EPS8: variants seen among roughly 807,000 people sequenced by gnomAD.
The protein encoded by EPS8 is epidermal growth factor receptor kinase substrate 8.
EPS8 carries 42 observed loss-of-function variants against 103.8 expected under a neutral mutation model. The ratio of observed to expected loss-of-function variants is 0.40; its 90% CI spans 0.32 to 0.52. The LOEUF (loss-of-function observed/expected upper bound fraction) is 0.52. Ranked by LOEUF, EPS8 falls within the 20% of genes least tolerant of loss-of-function variation. The pLI, the probability that EPS8 is intolerant of heterozygous loss-of-function variation, is 0.40. For missense variants in EPS8, 969 were observed against 1,005.1 expected (o/e 0.96, Z 0.49); for synonymous variants, 344 against 344.6 (o/e 1.00, Z 0.02).
At position 15,749,391 on chromosome 12, in the gene EPS8, G is replaced by C. The variant is rs1207609415; in HGVS notation, c.-22+39770C>G. 1.3e-5 allele frequency among the ~76,000 whole-genome samples: 2 copies of C among 152,108 alleles called. No homozygotes were observed. The highest frequency in any genetic ancestry group is 2.9e-5 in the Non-Finnish European group (2 of 68,026). ...GTATACTCAAGAGCAGGAATGTCTT[G>C]TTCAACATTATTTCTCAAATGCTAA... On this transcript the variant is annotated intron_variant, in intron 1 of 20. Transcript: ENST00000281172. This position sits in a 1 kb window ranked among gnomAD's most constrained non-coding sequence, Gnocchi z 4.0.
chr12:15,725,572 C>T lies in EPS8; in HGVS notation c.-21-42600G>A, dbSNP rs73315101. On this transcript the variant is annotated intron_variant, in intron 1 of 20. Transcript: ENST00000281172. The surrounding 1 kb of genome is among the most constrained non-coding windows in gnomAD (Gnocchi z 4.5). ...TGCCTAATTCTCATACCTTTGTTACCTTATGAAAAATTCTAAAATACGGTG... is the reference window on the plus strand; with the variant it reads ...TGCCTAATTCTCATACCTTTGTTACTTTATGAAAAATTCTAAAATACGGTG... Among the ~76,000 whole-genome samples the T allele has an allele frequency of 1.9e-3, 284 of 151,954 alleles. No homozygotes were observed. The highest frequency in any genetic ancestry group is 6.7e-3 in the African/African-American group (278 of 41,450).
chr12:15,672,103 A>AT (rs1386669872), intron 3 of EPS8, among the ~76,000 whole-genome samples: 3 of 152,038 alleles, frequency 2.0e-5, no homozygotes, highest in African/African-American at 7.2e-5. Flanking sequence ...CCAACAACCT[A>AT]TTTTTTTGTA....
At chr12:15,686,382 G>A (rs878892282) in intron 1 of EPS8, among the ~76,000 whole-genome samples, 19 of 152,016 alleles carry the variant, frequency 1.2e-4, no homozygotes, top group African/African-American at 4.1e-4. Context: ...ACTGAGTGGG[G>A]GTCAGCACCC....
rs534233954 is a variant in EPS8 at position 15,640,165 on chromosome 12, T to C, written c.1821+538A>G. ...AGCCTGACCTATCTAATCTATATCC[T>C]AAGTACCTTTTAATCTTAAAATCAA... On this transcript the variant is annotated intron_variant, in intron 17 of 20. Coordinates refer to ENST00000281172, the MANE Select transcript of EPS8 (RefSeq NM_004447.6). 1.3e-5 allele frequency among the ~76,000 whole-genome samples: 2 copies of C among 152,364 alleles called. 1 individual carries two copies. Among genetic ancestry groups the C allele is most frequent in the African/African-American group, 4.8e-5 (2 of 41,594 alleles).
Position 15,713,757 on chromosome 12 carries a change from A to G in EPS8, c.-21-30785T>C, listed in dbSNP as rs1046571215. On this transcript the variant is annotated intron_variant, in intron 1 of 20. Transcript: ENST00000281172. This position sits in a 1 kb window ranked among gnomAD's most constrained non-coding sequence, Gnocchi z 4.8. ...AAAGGTCTATCCTCATAGTTAAAAAATGGTGTCGGGGAGGAGAAATTCACT... is the reference window on the plus strand; with the variant it reads ...AAAGGTCTATCCTCATAGTTAAAAAGTGGTGTCGGGGAGGAGAAATTCACT... Among the ~76,000 whole-genome samples, 1 of 152,200 alleles carries G rather than the reference A, an allele frequency of 6.6e-6. No individual in the cohort carries two copies. The highest frequency in any genetic ancestry group is 2.1e-4 in the South Asian group (1 of 4,830).
In EPS8 at chr12:15,773,379, T is replaced by C. The variant is rs539709637; in HGVS notation, c.-22+15782A>G. Among the ~76,000 whole-genome samples the C allele has an allele frequency of 3.9e-5, 6 of 152,256 alleles. No individual in the cohort carries two copies. The South Asian group carries it at 1.2e-3, about 32-fold the overall frequency. On this transcript the variant is annotated intron_variant, in intron 1 of 20. Transcript: ENST00000281172. ...CAAGTTGAAAATTAGAAGGCAATCATGAAGCCACAAAATTTCAATCATCCT... is the reference window on the plus strand; with the variant it reads ...CAAGTTGAAAATTAGAAGGCAATCACGAAGCCACAAAATTTCAATCATCCT...
rs187436833 is a variant in EPS8, at chr12:15,630,191, A to G, written c.2044+1251T>C. ...TCCATCTCTCTCTCTCTGTCTCTCT[A>G]TCTCTCTCTCACTCACACACACACA... On this transcript the variant is annotated intron_variant, in intron 18 of 20. Transcript: ENST00000281172. Among the ~76,000 whole-genome samples the G allele has an allele frequency of 2.6e-5, 3 of 116,522 alleles. No homozygotes were observed. In the Admixed American group the frequency reaches 3.2e-4, roughly 12 times the overall value. The allele number at this position is 116,522 out of a possible 152,430, so 76.4% of individuals were successfully genotyped here.
chr12:15,645,920 C>T (rs1169635045), intron 15 of EPS8, among the ~76,000 whole-genome samples: 1 of 152,084 alleles, frequency 6.6e-6, no homozygotes, highest in Non-Finnish European at 1.5e-5. Flanking sequence ...ATCTGAATTA[C>T]TGGAGTGATA....
intron 1 of EPS8, among the ~76,000 whole-genome samples, chr12:15,694,463 A>T (rs1946216561): frequency 6.6e-6 from 1 of 152,210 alleles, no homozygotes; most frequent in Non-Finnish European, 1.5e-5. Context: ...GTTCACGAAA[A>T]GCTCTTGCTT....
In EPS8 at chr12:15,735,743, A is replaced by C. The variant is rs1030764871; in HGVS notation, c.-21-52771T>G. 1.3e-5 allele frequency among the ~76,000 whole-genome samples: 2 copies of C among 152,246 alleles called. No homozygotes were observed. Among genetic ancestry groups the C allele is most frequent in the African/African-American group, 2.4e-5 (1 of 41,472 alleles). On this transcript the variant is annotated intron_variant, in intron 1 of 20. Coordinates refer to ENST00000281172, the MANE Select transcript of EPS8 (RefSeq NM_004447.6). This position sits in a 1 kb window ranked among gnomAD's most constrained non-coding sequence, Gnocchi z 4.4. Reference sequence around the variant, plus strand: ...TTAAAAGTGCATGTTATTAAATGTAACCTATATCTGTGTAACTTACTGTTG... The same window carrying C: ...TTAAAAGTGCATGTTATTAAATGTACCCTATATCTGTGTAACTTACTGTTG...
At position 15,764,275 on chromosome 12, in the gene EPS8, C is replaced by G. The variant is rs1015103983; in HGVS notation, c.-22+24886G>C. Among the ~76,000 whole-genome samples, 1 of 152,130 alleles carries G rather than the reference C, an allele frequency of 6.6e-6. No homozygotes were observed. Among genetic ancestry groups the G allele is most frequent in the Non-Finnish European group, 1.5e-5 (1 of 68,024 alleles). Reference sequence around the variant, plus strand: ...CCCCCATGATTCAGTTACCTCCCACCGGGTCCCTCTCATGACACATGGGAA... The same window carrying G: ...CCCCCATGATTCAGTTACCTCCCACGGGGTCCCTCTCATGACACATGGGAA... On this transcript the variant is annotated intron_variant, in intron 1 of 20. Coordinates refer to ENST00000281172, the MANE Select transcript of EPS8 (RefSeq NM_004447.6). This position sits in a 1 kb window ranked among gnomAD's most constrained non-coding sequence, Gnocchi z 4.1.
At chr12:15,720,432 T>G (rs1206528368) in intron 1 of EPS8, among the ~76,000 whole-genome samples, 1 of 152,138 alleles carries the variant, frequency 6.6e-6, no homozygotes, top group Admixed American at 6.5e-5. Flanking sequence ...GGATTACAGA[T>G]GTGCCATCAT....
At chr12:15,636,069 C>T (rs1014973566) in intron 17 of EPS8, among the ~76,000 whole-genome samples, 1 of 152,080 alleles carries the variant, frequency 6.6e-6, no homozygotes. Context: ...ATATACCTTG[C>T]AAATTTAAAT....
Position 15,738,508 on chromosome 12 carries a change from A to G in EPS8, c.-22+50653T>C, listed in dbSNP as rs1946788065. Among the ~76,000 whole-genome samples the G allele has an allele frequency of 6.6e-6, 1 of 152,230 alleles. No individual in the cohort carries two copies. Among genetic ancestry groups the G allele is most frequent in the African/African-American group, 2.4e-5 (1 of 41,462 alleles). On this transcript the variant is annotated intron_variant, in intron 1 of 20. Transcript: ENST00000281172. The surrounding 1 kb of genome is among the most constrained non-coding windows in gnomAD (Gnocchi z 6.2). Reference sequence around the variant, plus strand: ...TATACTAAAAATATCAAAATAATTCATTGAACTTACTGAAGGTCCTTCTAT... The same window carrying G: ...TATACTAAAAATATCAAAATAATTCGTTGAACTTACTGAAGGTCCTTCTAT...
chr12:15,664,596 G>A lies in EPS8; in HGVS notation c.736+1160C>T, dbSNP rs117792704. ...CAAGACCACACAGGTAGACATATCA[G>A]GTCTTGCTTCAGAGTCCAACTTTTA... On this transcript the variant is annotated intron_variant, in intron 8 of 20. Transcript: ENST00000281172. 1.0e-3 allele frequency among the ~76,000 whole-genome samples: 154 copies of A among 152,282 alleles called. No homozygotes were observed. The East Asian group carries it at 0.027, about 27-fold the overall frequency.
At chr12:15,658,185 C>T (rs760024222) in intron 11 of EPS8, 32 bp from the exon 12 acceptor site, 1 of 1,479,462 alleles carries the variant, frequency 6.8e-7, no homozygotes, top group African/African-American at 1.4e-5. Flanking sequence ...AAACAGATTA[C>T]TATCAAGCAA....
intron 1 of EPS8, among the ~76,000 whole-genome samples, chr12:15,788,559 A>T (rs577190322): frequency 1.3e-5 from 2 of 152,370 alleles, no homozygotes; most frequent in African/African-American, 4.8e-5. Flanking sequence ...AACTGACCAC[A>T]ACCGGAGAAA....
At chr12:15,685,840 A>C (rs1946086910) in intron 1 of EPS8, among the ~76,000 whole-genome samples, 1 of 152,226 alleles carries the variant, frequency 6.6e-6, no homozygotes, top group Non-Finnish European at 1.5e-5. Context: ...ACAATTTAAA[A>C]TAATGATCAA....
At chr12:15,750,490 GA>G (rs1738678373) in intron 1 of EPS8, among the ~76,000 whole-genome samples, 1 of 152,166 alleles carries the variant, frequency 6.6e-6, no homozygotes, top group Non-Finnish European at 1.5e-5. Context: ...CATAGTGTTT[GA>G]AAAGTATACA....
Sources: allele counts gnomAD v4.1 joint callset (sites outside exome capture counted in the v4.1 genomes callset), GRCh38; gene constraint gnomAD v4.1.1; non-coding constraint Gnocchi (gnomAD v3.1); transcripts MANE v1.5; gene names NCBI Gene and HGNC (gene_info 2026-07-23, HGNC 2026-07-21).